ZNF618: variants seen among roughly 807,000 people sequenced by gnomAD.
The protein encoded by ZNF618 is neural precursor cell expressed, developmentally down-regulated 10.
A neutral mutation model predicts 103.0 loss-of-function variants in ZNF618; 34 were observed. The ratio of observed to expected loss-of-function variants is 0.33; its 90% CI spans 0.25 to 0.44. The LOEUF (loss-of-function observed/expected upper bound fraction) is 0.44, where lower values mean the gene tolerates loss of function less well. ZNF618 is among the 20% of genes least tolerant of loss of function. The pLI is 1.00. For missense variants in ZNF618, 1,059 were observed against 1,295.4 expected, an observed-to-expected ratio of 0.82 and a Z score of 2.80; for synonymous variants, 551 against 542.2, an observed-to-expected ratio of 1.02 and a Z score of -0.23.
At chr9:113,942,557 G>A (rs1344597453) in intron 1 of ZNF618, among the ~76,000 whole-genome samples, 1 of 152,220 alleles carries the variant, frequency 6.6e-6, no homozygotes, top group African/African-American at 2.4e-5. Context: ...CTACTGGGCT[G>A]TAAGCTCACC....
chr9:114,001,661 T>C (rs984863462), intron 4 of ZNF618, among the ~76,000 whole-genome samples: 2 of 152,372 alleles, frequency 1.3e-5, no homozygotes, highest in Non-Finnish European at 2.9e-5. Context: ...ATGCAATTTA[T>C]TCCTTTCAGA....
intron 1 of ZNF618, among the ~76,000 whole-genome samples, chr9:113,967,211 C>T (rs1837494788): frequency 6.6e-6 from 1 of 152,220 alleles, no homozygotes; most frequent in Non-Finnish European, 1.5e-5. Flanking sequence ...AGAATTTCCA[C>T]CCGTACCACT....
chr9:113,916,681 G>A (rs1832116655), intron 1 of ZNF618, among the ~76,000 whole-genome samples: 1 of 152,158 alleles, frequency 6.6e-6, no homozygotes, highest in South Asian at 2.1e-4. Context: ...TGAGCTTTTG[G>A]TCCCTCTCAG....
intron 1 of ZNF618, among the ~76,000 whole-genome samples, chr9:113,929,740 C>G (rs775281640): frequency 3.3e-5 from 5 of 152,186 alleles, no homozygotes; most frequent in Non-Finnish European, 5.9e-5. Flanking sequence ...TCTTCCAGTA[C>G]TCTATGCTTT....
intron 1 of ZNF618, among the ~76,000 whole-genome samples, chr9:113,913,356 T>C (rs915542022): frequency 6.6e-6 from 1 of 152,274 alleles, no homozygotes; most frequent in Non-Finnish European, 1.5e-5. Context: ...TTGACCGCCT[T>C]CTTCTGCAGA....
intron 1 of ZNF618, among the ~76,000 whole-genome samples, chr9:113,926,289 T>C (rs1833088499): frequency 6.6e-6 from 1 of 151,952 alleles, no homozygotes; most frequent in African/African-American, 2.4e-5. Context: ...TTTGCAAAAA[T>C]ATTTCAATAT....
At chr9:114,033,385 CAAAA>C (rs1205363891) in intron 12 of ZNF618, among the ~76,000 whole-genome samples, 1 of 112,972 alleles carries the variant, frequency 8.9e-6, no homozygotes, top group Non-Finnish European at 1.8e-5. Context: ...GACTCTGTCT[CAAAA>C]AGAGAGAGAG....
intron 2 of ZNF618, among the ~76,000 whole-genome samples, chr9:113,978,154 A>G (rs1838652833): frequency 6.6e-6 from 1 of 152,234 alleles, no homozygotes; most frequent in South Asian, 2.1e-4. Context: ...ATGGAAGTAC[A>G]GATCATTTTG....
rs1174485184 is a variant in ZNF618 at position 114,011,049 on chromosome 9, T to TTACTGAGAA, written c.754+2495_754+2496insTACTGAGAA. Among the ~76,000 whole-genome samples, 5 of 152,270 alleles carry TTACTGAGAA rather than the reference T, an allele frequency of 3.3e-5. No individual in the cohort carries two copies. In the South Asian group the frequency reaches 1.0e-3, roughly 32 times the overall value. ...AAGCACCTGGCTCATATCCAAGGTG[T>TTACTGAGAA]AGGGAGACCTGTTACTGAGAAAGAG... On this transcript the variant is annotated intron_variant, in intron 9 of 14. Coordinates refer to ENST00000374126, the MANE Select transcript of ZNF618 (RefSeq NM_001318042.2).
At chr9:113,938,564 C>CTTTTCTTTTTTTT (rs1564192158) in intron 1 of ZNF618, among the ~76,000 whole-genome samples, 1 of 77,690 alleles carries the variant, frequency 1.3e-5, no homozygotes, top group Non-Finnish European at 2.9e-5. Flanking sequence ...ATTATATTTT[C>CTTTTCTTTTTTTT]TTTTTTTCTT....
intron 1 of ZNF618, among the ~76,000 whole-genome samples, chr9:113,953,400 C>G (rs746976243): frequency 1.1e-4 from 17 of 152,154 alleles, no homozygotes; most frequent in Admixed American, 2.0e-4. Context: ...ATGAATTTTT[C>G]CTCAAAAGTG....
intron 2 of ZNF618, among the ~76,000 whole-genome samples, chr9:113,977,044 G>T (rs1365020170): frequency 3.9e-5 from 6 of 152,154 alleles, no homozygotes; most frequent in Admixed American, 3.9e-4. Flanking sequence ...GTGCGTCCAG[G>T]CAGTGAGCAA....
chr9:114,041,628 C>T lies in ZNF618; in HGVS notation c.1246+5251C>T, dbSNP rs570014446. On this transcript the variant is annotated intron_variant, in intron 13 of 14. Coordinates refer to ENST00000374126, the MANE Select transcript of ZNF618 (RefSeq NM_001318042.2). ...TGTTTTTGTCAGGTTTGTCAAAGATCGGATGGTTGTAGATGTGTGGTATTA... is the reference window on the plus strand; with the variant it reads ...TGTTTTTGTCAGGTTTGTCAAAGATTGGATGGTTGTAGATGTGTGGTATTA... Among the ~76,000 whole-genome samples, 795 of 152,204 alleles carry T rather than the reference C, an allele frequency of 5.2e-3. 4 individuals are homozygous for T. The highest frequency in any genetic ancestry group is 0.019 in the African/African-American group (771 of 41,494).
chr9:113,958,433 C>A (rs939327667), intron 1 of ZNF618, among the ~76,000 whole-genome samples: 2 of 152,166 alleles, frequency 1.3e-5, no homozygotes, highest in East Asian at 1.9e-4. Flanking sequence ...CTGGCCACTT[C>A]TAGATTGCTA....
intron 14 of ZNF618, among the ~76,000 whole-genome samples, chr9:114,048,425 C>A (rs1043683275): frequency 6.6e-6 from 1 of 152,174 alleles, no homozygotes; most frequent in African/African-American, 2.4e-5. Flanking sequence ...GCATACATAC[C>A]ACTACATTCT....
At chr9:113,935,510 A>T (rs1456008161) in intron 1 of ZNF618, among the ~76,000 whole-genome samples, 1 of 152,120 alleles carries the variant, frequency 6.6e-6, no homozygotes, top group Non-Finnish European at 1.5e-5. Context: ...CTGTGCTCAG[A>T]GCGTGTCCTT....
chr9:114,029,221 T>C (rs1843783408), intron 11 of ZNF618, among the ~76,000 whole-genome samples: 2 of 152,354 alleles, frequency 1.3e-5, no homozygotes, highest in South Asian at 4.1e-4. Context: ...GCAAACTTTT[T>C]TTTTTAAGTA....
intron 9 of ZNF618, among the ~76,000 whole-genome samples, chr9:114,012,678 T>G (rs1842357414): frequency 6.6e-6 from 1 of 152,196 alleles, no homozygotes; most frequent in African/African-American, 2.4e-5. Context: ...AAAACCTACA[T>G]TCTATGTAGT....
At chr9:113,939,057 C>G (rs1834311882) in intron 1 of ZNF618, among the ~76,000 whole-genome samples, 1 of 151,834 alleles carries the variant, frequency 6.6e-6, no homozygotes, top group Non-Finnish European at 1.5e-5. Context: ...TTTGTTCCCT[C>G]CCAATATTTA....
Sources: allele counts gnomAD v4.1 joint callset (sites outside exome capture counted in the v4.1 genomes callset), GRCh38; gene constraint gnomAD v4.1.1; transcripts MANE v1.5; gene names NCBI Gene and HGNC (gene_info 2026-07-23, HGNC 2026-07-21).